The following SAP30 variants were observed in gnomAD, a reference collection of about 807,000 sequenced individuals.
The protein encoded by SAP30 is histone deacetylase complex subunit SAP30.
In SAP30, 13 loss-of-function variants were observed where a neutral mutation model predicts 19.6. The observed-to-expected ratio is 0.66, with a 90% CI of 0.43 to 1.05. The LOEUF (loss-of-function observed/expected upper bound fraction) is 1.05, where lower values mean the gene tolerates loss of function less well. Among genes scored for constraint, SAP30 ranks in the 50% least tolerant of loss-of-function variants. The probability of loss-of-function intolerance (pLI) is 0.00; values close to 1 mark genes in which losing one functional copy is unlikely to be tolerated. For missense variants in SAP30, 257 were observed against 292.1 expected, an observed-to-expected ratio of 0.88 and a Z score of 0.88; for synonymous variants, 108 against 122.7, an observed-to-expected ratio of 0.88 and a Z score of 0.79.
intron 1 of SAP30, among the ~76,000 whole-genome samples, chr4:173,372,519 T>A (rs915763316): frequency 2.6e-5 from 4 of 152,240 alleles, no homozygotes; most frequent in African/African-American, 9.6e-5. Context: ...ATACATTGAT[T>A]TAATATTCAG....
In SAP30 at chr4:173,371,108, T is replaced by G; in HGVS notation, c.-75T>G. 7.3e-7 allele frequency: 1 copy of G among 1,368,980 alleles called. No individual in the cohort carries two copies. The highest frequency in any genetic ancestry group is 1.3e-5 in the South Asian group (1 of 75,526). The allele number at this position is 1,368,980 out of a possible 1,614,324, so 84.8% of individuals were successfully genotyped here. ...CTTGGTGTGCAGAGTGAATTGCCGC[T>G]GCCGGAGCGGAGAGAGGCGGAGCGG... On this transcript the variant is annotated 5_prime_UTR_variant, in exon 1 of 4. Transcript: ENST00000296504. The surrounding 1 kb of genome is among the most constrained non-coding windows in gnomAD (Gnocchi z 6.4).
rs1738914863 is a variant in SAP30 at position 173,371,091 on chromosome 4, G to T, written c.-92G>T. 1 of 1,320,616 alleles carries T rather than the reference G, an allele frequency of 7.6e-7. No homozygotes were observed. The highest frequency in any genetic ancestry group is 9.8e-7 in the Non-Finnish European group (1 of 1,022,182). 81.8% of individuals were successfully genotyped at this position (1,320,616 alleles called of 1,614,324 possible). On this transcript the variant is annotated 5_prime_UTR_variant, in exon 1 of 4. Coordinates refer to ENST00000296504, the MANE Select transcript of SAP30 (RefSeq NM_003864.4). This position sits in a 1 kb window ranked among gnomAD's most constrained non-coding sequence, Gnocchi z 6.4. ...GCCGTGCCGCTGTCTAACTTGGTGTGCAGAGTGAATTGCCGCTGCCGGAGC... is the reference window on the plus strand; with the variant it reads ...GCCGTGCCGCTGTCTAACTTGGTGTTCAGAGTGAATTGCCGCTGCCGGAGC...
chr4:173,373,570 C>T, intron 2 of SAP30, 55 bp downstream of exon 2: 1 of 1,466,234 alleles, frequency 6.8e-7, no homozygotes. Context: ...ATTCTGAAGC[C>T]TTTATAAAAA....
rs751440958 is a variant in SAP30 at position 173,374,010 on chromosome 4, AGG to A, written c.514_515del (p.Gly172ThrfsTer2). ...GACACTTCAAGCTACCAACCAGACC[AGG>A]ACTTAATAAAGCACAACTTGTTGAG... ...KRHFKLPTRP[G>X]LNKAQLVEIV... On this transcript the variant is annotated frameshift_variant, in exon 3 of 4. Coordinates refer to ENST00000296504, the MANE Select transcript of SAP30 (RefSeq NM_003864.4). LOFTEE classifies it high-confidence loss of function. The A allele has an allele frequency of 2.5e-6, 4 of 1,598,316 alleles. 1 individual carries two copies. The highest frequency in any genetic ancestry group is 1.7e-6 in the Non-Finnish European group (2 of 1,170,270).
At chr4:173,375,699 T>C (rs1739022896) in intron 3 of SAP30, among the ~76,000 whole-genome samples, 1 of 152,210 alleles carries the variant, frequency 6.6e-6, no homozygotes. Flanking sequence ...TAATCAGAAA[T>C]GCAGATATTA....
chr4:173,371,101 T>C lies in SAP30; in HGVS notation c.-82T>C. 2 of 1,349,408 alleles carry C rather than the reference T, an allele frequency of 1.5e-6. No individual in the cohort carries two copies. The highest frequency in any genetic ancestry group is 1.3e-5 in the South Asian group (1 of 74,578). The allele number at this position is 1,349,408 out of a possible 1,614,324, so 83.6% of individuals were successfully genotyped here. ...TGTCTAACTTGGTGTGCAGAGTGAA[T>C]TGCCGCTGCCGGAGCGGAGAGAGGC... On this transcript the variant is annotated 5_prime_UTR_variant, in exon 1 of 4. Transcript: ENST00000296504. The surrounding 1 kb of genome is among the most constrained non-coding windows in gnomAD (Gnocchi z 6.4).
intron 3 of SAP30, among the ~76,000 whole-genome samples, chr4:173,376,793 A>G (rs887417510): frequency 2.7e-5 from 4 of 150,882 alleles, no homozygotes; most frequent in Non-Finnish European, 4.4e-5. Flanking sequence ...TAATTTTTGT[A>G]TTTTTTTTGG....
intron 3 of SAP30, among the ~76,000 whole-genome samples, chr4:173,376,836 G>A (rs1462258470): frequency 2.0e-5 from 3 of 151,884 alleles, no homozygotes; most frequent in Non-Finnish European, 4.4e-5. Flanking sequence ...TGCTCAGGCT[G>A]GTCTCAAACT....
At chr4:173,372,646 T>C (rs1057321882) in intron 1 of SAP30, among the ~76,000 whole-genome samples, 1 of 152,224 alleles carries the variant, frequency 6.6e-6, no homozygotes, top group Non-Finnish European at 1.5e-5. Flanking sequence ...CTGGAAAGCA[T>C]ACATTATATT....
chr4:173,372,628 TAGAA>T (rs752219814), intron 1 of SAP30, among the ~76,000 whole-genome samples: 15 of 152,346 alleles, frequency 9.8e-5, no homozygotes, highest in Non-Finnish European at 1.8e-4. Flanking sequence ...GGTATTCAGT[TAGAA>T]AGACTGGAAA....
At chr4:173,373,336 C>CTTA in intron 1 of SAP30, 54 bp from the exon 2 acceptor site, 1 of 1,509,494 alleles carries the variant, frequency 6.6e-7, no homozygotes, top group Non-Finnish European at 8.9e-7. Flanking sequence ...TTTACTAATA[C>CTTA]ATAGACACAT....
intron 1 of SAP30, among the ~76,000 whole-genome samples, chr4:173,372,336 T>C (rs1293046423): frequency 6.6e-6 from 1 of 152,234 alleles, no homozygotes; most frequent in African/African-American, 2.4e-5. Context: ...TCAGTCCGTG[T>C]TTGTTTCAAA....
At position 173,377,520 on chromosome 4, in the gene SAP30, G is replaced by A; in HGVS notation, c.*193G>A. ...TAAATTAAATCTATTTTAAATAAAG[G>A]TTATTACTATTATAGTTGCTTCAGT... On this transcript the variant is annotated 3_prime_UTR_variant, in exon 4 of 4. Transcript: ENST00000296504. 1 of 453,208 alleles carries A rather than the reference G, an allele frequency of 2.2e-6. No individual in the cohort carries two copies. The allele number at this position is 453,208 out of a possible 1,614,324, so 28.1% of individuals were successfully genotyped here.
rs1392806567 is a variant in SAP30 at position 173,371,749 on chromosome 4, T to C, written c.315+252T>C. ...GGCCCCCAACCTCCCGCTGCCTGCG[T>C]CTCTCCCGCGCAGTCTTCCCTCTTC... On this transcript the variant is annotated intron_variant, in intron 1 of 3. Transcript: ENST00000296504. This position sits in a 1 kb window ranked among gnomAD's most constrained non-coding sequence, Gnocchi z 6.4. Among the ~76,000 whole-genome samples the C allele has an allele frequency of 5.3e-5, 8 of 152,020 alleles. No individual in the cohort carries two copies. Among genetic ancestry groups the C allele is most frequent in the Non-Finnish European group, 1.2e-4 (8 of 67,988 alleles).
chr4:173,374,168 T>C lies in SAP30; in HGVS notation c.540+131T>C, dbSNP rs985900676. ...AAGAACAAAGTTAAAAAATCTGTTG[T>C]GGAAGAATCTAGTTGTGTAGAAATG... On this transcript the variant is annotated intron_variant, in intron 3 of 3. Coordinates refer to ENST00000296504, the MANE Select transcript of SAP30 (RefSeq NM_003864.4). 4 of 502,774 alleles carry C rather than the reference T, an allele frequency of 8.0e-6. No homozygotes were observed. In the African/African-American group the frequency reaches 8.0e-5, roughly 10 times the overall value. The allele number at this position is 502,774 out of a possible 1,614,324, so 31.1% of individuals were successfully genotyped here.
Position 173,371,051 on chromosome 4 carries a change from G to C in SAP30, c.-132G>C. 1 of 1,078,416 alleles carries C rather than the reference G, an allele frequency of 9.3e-7. No homozygotes were observed. Among genetic ancestry groups the C allele is most frequent in the South Asian group, 1.6e-5 (1 of 62,066 alleles). The allele number at this position is 1,078,416 out of a possible 1,614,324, so 66.8% of individuals were successfully genotyped here. A position where few individuals can be genotyped will look rare whatever the true frequency, so the allele number is the denominator to read the frequency against. On this transcript the variant is annotated 5_prime_UTR_variant, in exon 1 of 4. Transcript: ENST00000296504. The surrounding 1 kb of genome is among the most constrained non-coding windows in gnomAD (Gnocchi z 6.4). ...TGCCAGCAGAGACCAGCAGGCCCGGGACAGTTGGTGTTTGGCCGTGCCGCT... is the reference window on the plus strand; with the variant it reads ...TGCCAGCAGAGACCAGCAGGCCCGGCACAGTTGGTGTTTGGCCGTGCCGCT...
rs1347759866 is a variant in SAP30 at position 173,371,728 on chromosome 4, C to T, written c.315+231C>T. Among the ~76,000 whole-genome samples the T allele has an allele frequency of 6.6e-6, 1 of 152,156 alleles. No individual in the cohort carries two copies. Among genetic ancestry groups the T allele is most frequent in the Non-Finnish European group, 1.5e-5 (1 of 68,020 alleles). On this transcript the variant is annotated intron_variant, in intron 1 of 3. Transcript: ENST00000296504. This position sits in a 1 kb window ranked among gnomAD's most constrained non-coding sequence, Gnocchi z 6.4. ...TCCCCTCTTCTTTCCCACCCTGGCC[C>T]CCAACCTCCCGCTGCCTGCGTCTCT...
At chr4:173,377,080 A>T in intron 3 of SAP30, 125 bp from the exon 4 acceptor site, 1 of 567,944 alleles carries the variant, frequency 1.8e-6, no homozygotes, top group Non-Finnish European at 2.9e-6. Flanking sequence ...GTTAAATATA[A>T]TTTTTAAAGG....
rs1412577451 is a variant in SAP30, at chr4:173,371,825, G to GC, written c.315+331dup. Reference sequence around the variant, plus strand: ...AACAAAGGGGACCGGCGCACTGAGGGCCCAGAGTAGTTTTCTTGCAGCCCG... The same window carrying GC: ...AACAAAGGGGACCGGCGCACTGAGGGCCCCAGAGTAGTTTTCTTGCAGCCCG... On this transcript the variant is annotated intron_variant, in intron 1 of 3. Transcript: ENST00000296504. The surrounding 1 kb of genome is among the most constrained non-coding windows in gnomAD (Gnocchi z 6.4). 6.6e-6 allele frequency among the ~76,000 whole-genome samples: 1 copy of GC among 152,184 alleles called. No homozygotes were observed. Among genetic ancestry groups the GC allele is most frequent in the Non-Finnish European group, 1.5e-5 (1 of 68,042 alleles).
Sources: allele counts gnomAD v4.1 joint callset (sites outside exome capture counted in the v4.1 genomes callset), GRCh38; gene constraint gnomAD v4.1.1; non-coding constraint Gnocchi (gnomAD v3.1); transcripts MANE v1.5; gene names NCBI Gene and HGNC (gene_info 2026-07-23, HGNC 2026-07-21).